The following ACTN4 variants were observed in gnomAD, a reference collection of about 807,000 sequenced individuals.
ACTN4 encodes alpha-actinin-4.
Under a neutral mutation model 114.2 loss-of-function variants are expected in ACTN4, and 18 were observed. The ratio of observed to expected loss-of-function variants is 0.16; its 90% CI spans 0.11 to 0.23. The LOEUF (loss-of-function observed/expected upper bound fraction) is 0.23, where lower values mean the gene tolerates loss of function less well. Ranked by LOEUF, ACTN4 falls within the 10% of genes least tolerant of loss-of-function variation. The pLI is 1.00. For synonymous variants in ACTN4, 515 were observed against 506.3 expected, an observed-to-expected ratio of 1.02 and a Z score of -0.23; for missense variants, 722 against 1,262.9, an observed-to-expected ratio of 0.57 and a Z score of 6.49.
rs1401697328 is a variant in ACTN4, at chr19:38,730,949, C to CT, written c.*1518dup. ...GGACAGAGCCTGAGCCACCCTGTCC[C>CT]TCCCACCTGGCTCACCTGTCTGTGG... On this transcript the variant is annotated 3_prime_UTR_variant, in exon 21 of 21. Coordinates refer to ENST00000252699, the MANE Select transcript of ACTN4 (RefSeq NM_004924.6). 1 of 1,550,608 alleles carries CT rather than the reference C, an allele frequency of 6.4e-7. No individual in the cohort carries two copies. The highest frequency in any genetic ancestry group is 8.7e-7 in the Non-Finnish European group (1 of 1,147,058).
At chr19:38,705,934 C>T (rs1047942222) in intron 4 of ACTN4, 110 bp from the exon 5 acceptor site, 14 of 1,020,762 alleles carry the variant, frequency 1.4e-5, no homozygotes, top group Non-Finnish European at 2.0e-5. Context: ...TATCCTCTCC[C>T]CTTGGGTTTC....
In ACTN4 at chr19:38,717,726, A is replaced by G. The variant is rs1040924091; in HGVS notation, c.1144-201A>G. Among the ~76,000 whole-genome samples, 4 of 152,138 alleles carry G rather than the reference A, an allele frequency of 2.6e-5. No homozygotes were observed. The highest frequency in any genetic ancestry group is 5.9e-5 in the Non-Finnish European group (4 of 68,014). ...CATTCATGCACTCACCCGTTCACGC[A>G]TTCATTTTGTTAATCCAGAATTGAT... On this transcript the variant is annotated intron_variant, in intron 10 of 20. Transcript: ENST00000252699. This position sits in a 1 kb window ranked among gnomAD's most constrained non-coding sequence, Gnocchi z 4.0.
chr19:38,665,775 G>T (rs1169269770), intron 1 of ACTN4, among the ~76,000 whole-genome samples: 1 of 152,236 alleles, frequency 6.6e-6, no homozygotes, highest in Non-Finnish European at 1.5e-5. Context: ...GGCAGTGCCA[G>T]GAAGGTTCTT....
intron 1 of ACTN4, among the ~76,000 whole-genome samples, chr19:38,675,295 T>G (rs959956380): frequency 6.6e-6 from 1 of 152,294 alleles, no homozygotes; most frequent in Middle Eastern, 3.4e-3. Context: ...TTTTGTTGCA[T>G]TTTTGAGGCA....
At chr19:38,695,371 A>G (rs924352738) in intron 1 of ACTN4, among the ~76,000 whole-genome samples, 6 of 152,110 alleles carry the variant, frequency 3.9e-5, no homozygotes, top group Non-Finnish European at 8.8e-5. Context: ...GGAGAGCTCG[A>G]TGCTTTTTGC....
intron 9 of ACTN4, among the ~76,000 whole-genome samples, chr19:38,714,903 G>A (rs1425953630): frequency 2.6e-5 from 4 of 152,200 alleles, no homozygotes; most frequent in African/African-American, 9.6e-5. Context: ...TGGCCCTGGA[G>A]AGAGTGATTC....
At chr19:38,657,542 G>T (rs1976747985) in intron 1 of ACTN4, among the ~76,000 whole-genome samples, 1 of 152,198 alleles carries the variant, frequency 6.6e-6, no homozygotes, top group African/African-American at 2.4e-5. Flanking sequence ...CTTACCTCCT[G>T]AGTAGTAATG....
chr19:38,724,654 A>T lies in ACTN4; in HGVS notation c.2010+89A>T. The T allele has an allele frequency of 2.5e-6, 4 of 1,595,224 alleles. No individual in the cohort carries two copies. The South Asian group carries it at 3.3e-5, about 13-fold the overall frequency. On this transcript the variant is annotated intron_variant, in intron 16 of 20. Transcript: ENST00000252699. The surrounding 1 kb of genome is among the most constrained non-coding windows in gnomAD (Gnocchi z 7.0). ...TCCCCGGCCAGCCCAGGGCCTGCAG[A>T]CTGAGGCGCCTGGCAGAGCAGGTCC...
intron 1 of ACTN4, among the ~76,000 whole-genome samples, chr19:38,659,129 C>G (rs1392458264): frequency 1.5e-5 from 2 of 133,486 alleles, no homozygotes; most frequent in African/African-American, 5.5e-5. Flanking sequence ...GGTGCAATCT[C>G]GGCTCATTGC....
intron 1 of ACTN4, among the ~76,000 whole-genome samples, chr19:38,655,037 G>C (rs1976673796): frequency 6.6e-6 from 1 of 152,084 alleles, no homozygotes; most frequent in South Asian, 2.1e-4. Context: ...TCCCCAGCCA[G>C]AGCAGTCCCC....
At position 38,724,167 on chromosome 19, in the gene ACTN4, C is replaced by T. The variant is rs1969148419; in HGVS notation, c.1703C>T (p.Ser568Leu). 4 of 1,613,802 alleles carry T rather than the reference C, an allele frequency of 2.5e-6. No homozygotes were observed. Among genetic ancestry groups the T allele is most frequent in the African/African-American group, 2.7e-5 (2 of 74,922 alleles). ...CAGCTCCTCCCCTAGGGCCTGATCT[C>T]AGCCCATGACCAGTTCAAGTCCACC... ...HTIEEIEGLI[S>L]AHDQFKSTLP... The change falls in exon 15 of 21, where the codon TCA becomes TTA. Residue 568 changes from serine (S) to leucine (L), a missense_variant. Coordinates refer to ENST00000252699, the MANE Select transcript of ACTN4 (RefSeq NM_004924.6). This position sits in a 1 kb window ranked among gnomAD's most constrained non-coding sequence, Gnocchi z 7.0.
chr19:38,664,609 A>G (rs1333144454), intron 1 of ACTN4, among the ~76,000 whole-genome samples: 1 of 152,126 alleles, frequency 6.6e-6, no homozygotes, highest in African/African-American at 2.4e-5. Context: ...TTCAGTGGAG[A>G]TAGCGAGGGT....
At chr19:38,669,908 A>G (rs1303657851) in intron 1 of ACTN4, among the ~76,000 whole-genome samples, 5 of 152,116 alleles carry the variant, frequency 3.3e-5, no homozygotes, top group Non-Finnish European at 7.4e-5. Flanking sequence ...GGGAGAGGCA[A>G]TTGCAGTCCA....
intron 4 of ACTN4, 102 bp downstream of exon 4, chr19:38,705,122 T>TG (rs1367240649): frequency 8.6e-7 from 1 of 1,160,674 alleles, no homozygotes; most frequent in Non-Finnish European, 1.3e-6. Flanking sequence ...CCTGTTTCCT[T>TG]GGGGTCACTC....
intron 1 of ACTN4, among the ~76,000 whole-genome samples, chr19:38,669,275 C>T (rs561134232): frequency 1.3e-5 from 2 of 152,284 alleles, no homozygotes; most frequent in East Asian, 1.9e-4. Flanking sequence ...CGTGAGTCAC[C>T]GCGCCCAGCC....
intron 7 of ACTN4, 152 bp downstream of exon 7, chr19:38,709,628 G>T (rs1968574699): frequency 6.7e-6 from 5 of 744,782 alleles, no homozygotes. Flanking sequence ...ATGATTCTGG[G>T]TGAACTGGGG....
Position 38,688,939 on chromosome 19 carries a change from G to A in ACTN4, c.163-11661G>A, listed in dbSNP as rs188961649. On this transcript the variant is annotated intron_variant, in intron 1 of 20. Coordinates refer to ENST00000252699, the MANE Select transcript of ACTN4 (RefSeq NM_004924.6). ...CATGTTTTGTATTTTTAGTAGAGAC[G>A]GGGTTTCACCATGTCACCCAGGCTG... 4.6e-5 allele frequency among the ~76,000 whole-genome samples: 7 copies of A among 152,214 alleles called. No homozygotes were observed. In the South Asian group the frequency reaches 6.2e-4, roughly 14 times the overall value.
chr19:38,682,697 CTCT>C (rs903868240), intron 1 of ACTN4, among the ~76,000 whole-genome samples: 3 of 152,182 alleles, frequency 2.0e-5, no homozygotes, highest in Non-Finnish European at 4.4e-5. Flanking sequence ...CAAAGGCTTC[CTCT>C]TCTTAGGATG....
In ACTN4 at chr19:38,701,093, C is replaced by A; in HGVS notation, c.369C>A (p.Gly123=). 6.2e-7 allele frequency: 1 copy of A among 1,614,092 alleles called. No individual in the cohort carries two copies. Among genetic ancestry groups the A allele is most frequent in the Non-Finnish European group, 8.5e-7 (1 of 1,180,034 alleles). The stretch of plus-strand genomic sequence containing the variant: ...CGCTGGACTTTATTGCCAGCAAAGG[C>A]GTCAAGCTGGTCTCCATCGGGGCAG... ...NKALDFIASK[G]VKLVSIGAEE... The change falls in exon 3 of 21, where the codon GGC becomes GGA. Residue 123 remains glycine, a synonymous_variant. Coordinates refer to ENST00000252699, the MANE Select transcript of ACTN4 (RefSeq NM_004924.6).
Sources: allele counts gnomAD v4.1 joint callset (sites outside exome capture counted in the v4.1 genomes callset), GRCh38; gene constraint gnomAD v4.1.1; non-coding constraint Gnocchi (gnomAD v3.1); transcripts MANE v1.5; gene names NCBI Gene and HGNC (gene_info 2026-07-23, HGNC 2026-07-21).